STK3: variants seen among roughly 807,000 people sequenced by gnomAD.
The protein encoded by STK3 is serine/threonine-protein kinase 3.
STK3 carries 41 observed loss-of-function variants against 58.0 expected under a neutral mutation model. The ratio of observed to expected loss-of-function variants is 0.71; its 90% CI spans 0.55 to 0.92. The LOEUF (loss-of-function observed/expected upper bound fraction) is 0.92. STK3 is among the 40% of genes least tolerant of loss of function. The pLI, the probability that STK3 is intolerant of heterozygous loss-of-function variation, is 0.00. For missense variants in STK3, 479 were observed against 602.7 expected, an observed-to-expected ratio of 0.79 and a Z score of 2.15; for synonymous variants, 170 against 191.0, an observed-to-expected ratio of 0.89 and a Z score of 0.91.
chr8:98,821,237 G>A (rs983215940), intron 1 of STK3, among the ~76,000 whole-genome samples: 11 of 152,104 alleles, frequency 7.2e-5, no homozygotes, highest in African/African-American at 2.2e-4. Context: ...ACCCTATTGT[G>A]CTGTGCATGC....
At chr8:98,756,805 T>C (rs1162925591) in intron 3 of STK3, among the ~76,000 whole-genome samples, 1 of 152,160 alleles carries the variant, frequency 6.6e-6, no homozygotes, top group Non-Finnish European at 1.5e-5. Flanking sequence ...CCAACCTATC[T>C]AAAGCCCAAA....
upstream of STK3, among the ~76,000 whole-genome samples, chr8:98,830,281 G>A (rs2131779655): frequency 6.6e-6 from 1 of 152,186 alleles, no homozygotes; most frequent in South Asian, 2.1e-4. Context: ...TGAAATTCAG[G>A]TAGGATGGCA....
intron 6 of STK3, among the ~76,000 whole-genome samples, chr8:98,623,162 A>T (rs1818450278): frequency 6.6e-6 from 1 of 151,998 alleles, no homozygotes; most frequent in African/African-American, 2.4e-5. Flanking sequence ...TGAGGGAGGG[A>T]AGAATAAGAT....
At chr8:98,354,183 G>A in the STK3 span, among the ~76,000 whole-genome samples, 1 of 152,174 alleles carries the variant, frequency 6.6e-6, no homozygotes, top group Admixed American at 6.5e-5. Flanking sequence ...CTCAAGTCTG[G>A]TCTACCAATG....
At chr8:98,398,695 A>T (rs1399672270), downstream of STK3, among the ~76,000 whole-genome samples, 1 of 152,190 alleles carries the variant, frequency 6.6e-6, no homozygotes, top group East Asian at 1.9e-4. Context: ...CAAAAATTGG[A>T]CACTGGGAGA....
At chr8:98,492,510 G>T (rs1297844397) in intron 10 of STK3, among the ~76,000 whole-genome samples, 1 of 152,080 alleles carries the variant, frequency 6.6e-6, no homozygotes, top group Non-Finnish European at 1.5e-5. Context: ...ATATGCTGAA[G>T]ATAGTAATAA....
chr8:98,829,105 G>C (rs1835433749), upstream of STK3, among the ~76,000 whole-genome samples: 1 of 152,188 alleles, frequency 6.6e-6, no homozygotes, highest in Non-Finnish European at 1.5e-5. Context: ...TCATCTGAGG[G>C]AGAAAGGAGG....
intron 1 of STK3, among the ~76,000 whole-genome samples, chr8:98,803,577 G>A (rs1833710723): frequency 7.9e-6 from 1 of 126,694 alleles, no homozygotes; most frequent in African/African-American, 3.0e-5. Flanking sequence ...CTGGGCAACA[G>A]AGTGAGACTC....
intron 9 of STK3, among the ~76,000 whole-genome samples, chr8:98,537,281 A>G (rs1809843612): frequency 6.6e-6 from 1 of 152,186 alleles, no homozygotes; most frequent in Admixed American, 6.6e-5. Context: ...TCATACACAC[A>G]AAAAAAGATT....
At chr8:98,781,970 G>A (rs1832118162) in intron 1 of STK3, 1 of 153,108 alleles carries the variant, frequency 6.5e-6, no homozygotes, top group Admixed American at 6.5e-5. Context: ...TGGAAGGTAG[G>A]GGGAAAGATA....
intron 4 of STK3, among the ~76,000 whole-genome samples, chr8:98,717,437 A>G (rs921513421): frequency 6.6e-5 from 10 of 152,152 alleles, no homozygotes; most frequent in Non-Finnish European, 1.3e-4. Flanking sequence ...ATCACCAATC[A>G]TAAGACAAAT....
chr8:98,388,320 G>A (rs1415080816), upstream of STK3: 1 of 152,156 alleles, frequency 6.6e-6, no homozygotes, highest in Non-Finnish European at 1.5e-5. Context: ...ATGGAACTAG[G>A]CAATGATATC....
chr8:98,925,455 C>T (rs1839752721), intron 1 of STK3, among the ~76,000 whole-genome samples: 1 of 152,226 alleles, frequency 6.6e-6, no homozygotes, highest in Non-Finnish European at 1.5e-5. Context: ...TGGAGAGAAA[C>T]TGTTTTCTGT....
At position 98,788,197 on chromosome 8, in the gene STK3, T is replaced by C. The variant is rs184185774; in HGVS notation, c.27-13378A>G. ...TGGCTCACGGGGGTAATCTCAATAC[T>C]GGGAGGCCGAGGCAGGCAGATCACA... On this transcript the variant is annotated intron_variant, in intron 1 of 10. Coordinates refer to ENST00000419617, the MANE Select transcript of STK3 (RefSeq NM_006281.4). 9.9e-4 allele frequency among the ~76,000 whole-genome samples: 151 copies of C among 152,076 alleles called. 1 individual carries two copies. The highest frequency in any genetic ancestry group is 4.3e-4 in the Non-Finnish European group (29 of 67,992).
intron 1 of STK3, among the ~76,000 whole-genome samples, chr8:98,385,807 A>C (rs17310375): frequency 0.19 from 29,498 of 152,072 alleles, 3,275 homozygotes; most frequent in Middle Eastern, 0.35. Context: ...TTATGGCCTG[A>C]GTTTGGGTCC....
chr8:98,598,273 C>T, intron 6 of STK3: 4 of 985,354 alleles, frequency 4.1e-6, no homozygotes, highest in Non-Finnish European at 4.8e-6. Context: ...ATATAAGGCT[C>T]ACCTTAGCAG....
intron 7 of STK3, 80 bp downstream of exon 7, chr8:98,595,952 A>G (rs1161403642): frequency 2.6e-5 from 38 of 1,484,020 alleles, no homozygotes; most frequent in Non-Finnish European, 2.7e-6. Flanking sequence ...CAGTTATGAA[A>G]CACACAGCAA....
At position 98,620,683 on chromosome 8, in the gene STK3, A is replaced by G. The variant is rs918269149; in HGVS notation, c.685-24514T>C. On this transcript the variant is annotated intron_variant, in intron 6 of 10. Coordinates refer to ENST00000419617, the MANE Select transcript of STK3 (RefSeq NM_006281.4). ...GCAAGACAAGAAGAAAGAAAATAAT[A>G]AAGAGTAGAAATCAATACAATTTAA... 5.9e-5 allele frequency among the ~76,000 whole-genome samples: 9 copies of G among 151,616 alleles called. No homozygotes were observed. In the South Asian group the frequency reaches 1.7e-3, roughly 28 times the overall value.
intron 8 of STK3, among the ~76,000 whole-genome samples, chr8:98,558,495 A>G (rs1563738181): frequency 6.6e-6 from 1 of 152,126 alleles, no homozygotes; most frequent in Non-Finnish European, 1.5e-5. Context: ...CATGAACTCA[A>G]TGAACAGGTG....
Sources: allele counts gnomAD v4.1 joint callset (sites outside exome capture counted in the v4.1 genomes callset), GRCh38; gene constraint gnomAD v4.1.1; transcripts MANE v1.5; gene names NCBI Gene and HGNC (gene_info 2026-07-23, HGNC 2026-07-21).